The following EPHA7 variants were observed in gnomAD, a reference collection of about 807,000 sequenced individuals.
EPHA7 encodes ephrin type-A receptor 7.
A neutral mutation model predicts 112.6 loss-of-function variants in EPHA7; 25 were observed. That is an observed-to-expected ratio of 0.22 (90% CI 0.16 to 0.31). The LOEUF (loss-of-function observed/expected upper bound fraction) is 0.31, where lower values mean the gene tolerates loss of function less well. EPHA7 is among the 10% of genes least tolerant of loss of function. The pLI, the probability that EPHA7 is intolerant of heterozygous loss-of-function variation, is 1.00. For missense variants in EPHA7, 962 were observed against 1,212.6 expected, an observed-to-expected ratio of 0.79 and a Z score of 3.07; for synonymous variants, 437 against 406.5, an observed-to-expected ratio of 1.07 and a Z score of -0.90.
chr6:93,282,915 AGAGCCTCCCCGAG>A (rs1771833788), intron 5 of EPHA7, among the ~76,000 whole-genome samples: 1 of 152,138 alleles, frequency 6.6e-6, no homozygotes, highest in African/African-American at 2.4e-5. Flanking sequence ...CTGCATGGCC[AGAGCCTCCCCGAG>A]GAGCGCTGCC....
chr6:93,370,485 G>T (rs1166210721), intron 3 of EPHA7, among the ~76,000 whole-genome samples: 1 of 152,190 alleles, frequency 6.6e-6, no homozygotes, highest in South Asian at 2.1e-4. Flanking sequence ...TTGGAAAACA[G>T]AAATATCACT....
chr6:93,333,209 A>G (rs1440709145), intron 5 of EPHA7, among the ~76,000 whole-genome samples: 1 of 151,786 alleles, frequency 6.6e-6, no homozygotes, highest in Non-Finnish European at 1.5e-5. Flanking sequence ...TTCAAAGAAC[A>G]TGATCTCATT....
At chr6:93,310,661 CAAA>C (rs777397436) in intron 5 of EPHA7, among the ~76,000 whole-genome samples, 9 of 99,966 alleles carry the variant, frequency 9.0e-5, no homozygotes, top group African/African-American at 3.4e-4. Context: ...GACTCCGTCT[CAAA>C]AAAAAAAAAA....
chr6:93,356,721 T>C lies in EPHA7; in HGVS notation c.1320A>G (p.Gln440=). Residue 440 remains glutamine, a synonymous_variant, in exon 5 of 17, where the codon CAA becomes CAG. Transcript: ENST00000369303. ...GAAGATAAACACAAAACATACCTGC[T>C]TGACCAGTGGTGATACTGACAGCAG... The part of the protein sequence containing the change: ...LFAAVSITTG[Q]AAPSQVSGVM... The C allele has an allele frequency of 1.2e-6, 2 of 1,608,076 alleles. No homozygotes were observed. The highest frequency in any genetic ancestry group is 8.5e-7 in the Non-Finnish European group (1 of 1,176,890).
intron 5 of EPHA7, among the ~76,000 whole-genome samples, chr6:93,292,510 G>T (rs1368774293): frequency 2.0e-5 from 3 of 151,832 alleles, no homozygotes; most frequent in Non-Finnish European, 4.4e-5. Flanking sequence ...TTTTTTTTGG[G>T]GGGGCGGTAT....
chr6:93,259,348 C>A lies in EPHA7; in HGVS notation c.1924+6G>T. The A allele has an allele frequency of 1.2e-6, 2 of 1,611,124 alleles. No homozygotes were observed. Among genetic ancestry groups the A allele is most frequent in the East Asian group, 2.2e-5 (1 of 44,784 alleles). ...CAGCTGAACGAGGAAGCTACAATAG[C>A]CTTACCTGCACCAATCACACGCTCA... On this transcript the variant is annotated splice_donor_region_variant and intron_variant, in intron 10 of 16. Transcript: ENST00000369303.
intron 5 of EPHA7, among the ~76,000 whole-genome samples, chr6:93,286,601 T>C (rs184380641): frequency 6.6e-6 from 1 of 152,250 alleles, no homozygotes; most frequent in East Asian, 1.9e-4. Context: ...CTTCTCTGAA[T>C]ATAGAACAGA....
Position 93,353,440 on chromosome 6 carries a change from G to A in EPHA7, c.1324+3277C>T, listed in dbSNP as rs537052014. 6.5e-4 allele frequency among the ~76,000 whole-genome samples: 99 copies of A among 152,146 alleles called. 2 individuals carry two copies. The highest frequency in any genetic ancestry group is 6.8e-3 in the Middle Eastern group (2 of 294). ...TCTATCATAAGATAATTGATAACTAGATAAGTCATATTTTTTACAGGCCAA... is the reference window on the plus strand; with the variant it reads ...TCTATCATAAGATAATTGATAACTAAATAAGTCATATTTTTTACAGGCCAA... On this transcript the variant is annotated intron_variant, in intron 5 of 16. Coordinates refer to ENST00000369303, the MANE Select transcript of EPHA7 (RefSeq NM_004440.4).
At chr6:93,393,428 G>T (rs1385213370) in intron 3 of EPHA7, among the ~76,000 whole-genome samples, 1 of 151,592 alleles carries the variant, frequency 6.6e-6, no homozygotes, top group African/African-American at 2.4e-5. Context: ...TTTAGTCTTA[G>T]AAGTTTCCAT....
intron 5 of EPHA7, among the ~76,000 whole-genome samples, chr6:93,315,053 G>A (rs934365743): frequency 2.7e-5 from 4 of 146,232 alleles, no homozygotes; most frequent in African/African-American, 5.1e-5. Context: ...TAGTAGAGAC[G>A]GGGTTTCACC....
At chr6:93,407,614 C>T (rs888237385) in intron 3 of EPHA7, among the ~76,000 whole-genome samples, 2 of 152,044 alleles carry the variant, frequency 1.3e-5, no homozygotes, top group African/African-American at 4.8e-5. Context: ...AACCATAAGG[C>T]AGCATCTTGC....
intron 5 of EPHA7, among the ~76,000 whole-genome samples, chr6:93,351,902 A>C (rs184601868): frequency 2.8e-4 from 43 of 152,274 alleles, no homozygotes; most frequent in African/African-American, 9.9e-4. Flanking sequence ...CAATTTTTAC[A>C]ATATGACGAG....
At chr6:93,416,154 C>T (rs181775539) in intron 1 of EPHA7, among the ~76,000 whole-genome samples, 1 of 152,084 alleles carries the variant, frequency 6.6e-6, no homozygotes, top group East Asian at 1.9e-4. Context: ...ACCCACAACA[C>T]TTTCAAAATG....
chr6:93,326,702 G>A (rs919996796), intron 5 of EPHA7, among the ~76,000 whole-genome samples: 1 of 149,120 alleles, frequency 6.7e-6, no homozygotes, highest in Non-Finnish European at 1.5e-5. Flanking sequence ...AAATCTTTCA[G>A]AGAATCTATT....
chr6:93,265,371 A>C (rs1770883093), intron 7 of EPHA7, among the ~76,000 whole-genome samples: 1 of 151,666 alleles, frequency 6.6e-6, no homozygotes, highest in Admixed American at 6.6e-5. Context: ...ATCATTACCT[A>C]ACTGCAAACC....
rs1393966025 is a variant in EPHA7, at chr6:93,386,347, G to A, written c.832+24154C>T. Among the ~76,000 whole-genome samples, 4 of 152,268 alleles carry A rather than the reference G, an allele frequency of 2.6e-5. No individual in the cohort carries two copies. In the East Asian group the frequency reaches 7.7e-4, roughly 29 times the overall value. ...CCAAATGGAAGAAACTGGCCAAAAT[G>A]AAGAAGCTACAAGCCCCATGCAGGT... On this transcript the variant is annotated intron_variant, in intron 3 of 16. Transcript: ENST00000369303.
intron 3 of EPHA7, among the ~76,000 whole-genome samples, chr6:93,393,288 G>C (rs536123933): frequency 6.6e-6 from 1 of 151,786 alleles, no homozygotes; most frequent in South Asian, 2.1e-4. Flanking sequence ...GTGACTTTAG[G>C]AATTGTTTGG....
At chr6:93,304,726 C>T (rs1773164410) in intron 5 of EPHA7, among the ~76,000 whole-genome samples, 1 of 152,050 alleles carries the variant, frequency 6.6e-6, no homozygotes. Flanking sequence ...AGTACAATAG[C>T]CCAACTCCTG....
intron 7 of EPHA7, among the ~76,000 whole-genome samples, chr6:93,265,829 T>C (rs915742682): frequency 2.6e-5 from 4 of 151,734 alleles, no homozygotes; most frequent in African/African-American, 7.2e-5. Flanking sequence ...AAGTAATTCA[T>C]ATGAAGGCAA....
Sources: gnomAD v4.1 joint callset for allele counts (sites outside exome capture counted in the v4.1 genomes callset) on GRCh38, gnomAD v4.1.1 for gene constraint, MANE v1.5 for transcripts, NCBI Gene and HGNC (gene_info 2026-07-23, HGNC 2026-07-21) for gene names.